VEGFC: variants seen among roughly 807,000 people sequenced by gnomAD.
VEGFC encodes the protein FLT4 ligand DHM.
A neutral mutation model predicts 46.1 loss-of-function variants in VEGFC; 12 were observed. The observed-to-expected ratio is 0.26, with a 90% CI of 0.17 to 0.42. The LOEUF (loss-of-function observed/expected upper bound fraction) is 0.42, where lower values mean the gene tolerates loss of function less well. Among genes scored for constraint, VEGFC ranks in the 10% least tolerant of loss-of-function variants. The pLI, the probability that VEGFC is intolerant of heterozygous loss-of-function variation, is 1.00. For synonymous variants in VEGFC, 232 were observed against 195.5 expected (o/e 1.19, Z -1.56); for missense variants, 488 against 529.4 (o/e 0.92, Z 0.77).
chr4:176,740,138 A>G (rs530054180), intron 1 of VEGFC, among the ~76,000 whole-genome samples: 49 of 128,176 alleles, frequency 3.8e-4, no homozygotes, highest in African/African-American at 1.3e-3. Flanking sequence ...AGAATATATA[A>G]CTATATATAG....
At chr4:176,691,823 G>A (rs539852662) in intron 4 of VEGFC, among the ~76,000 whole-genome samples, 12 of 152,278 alleles carry the variant, frequency 7.9e-5, no homozygotes, top group Admixed American at 2.0e-4. Context: ...GAACAGCTCC[G>A]GTCTACAGCT....
At chr4:176,692,118 G>T (rs557572526) in intron 4 of VEGFC, among the ~76,000 whole-genome samples, 1 of 152,010 alleles carries the variant, frequency 6.6e-6, no homozygotes, top group African/African-American at 2.4e-5. Flanking sequence ...GCACCGGCCC[G>T]GCGCGGTGGC....
At chr4:176,725,679 A>G (rs1734861986) in intron 3 of VEGFC, among the ~76,000 whole-genome samples, 1 of 152,124 alleles carries the variant, frequency 6.6e-6, no homozygotes. Context: ...TAACTGAATT[A>G]TTTTAAAATA....
chr4:176,744,490 T>C (rs1012070751), intron 1 of VEGFC, among the ~76,000 whole-genome samples: 3 of 151,964 alleles, frequency 2.0e-5, no homozygotes, highest in African/African-American at 7.2e-5. Context: ...TGGGAGGCAA[T>C]GTAGTAGGCC....
At chr4:176,730,917 C>T (rs906673870) in intron 1 of VEGFC, among the ~76,000 whole-genome samples, 1 of 151,886 alleles carries the variant, frequency 6.6e-6, no homozygotes, top group Non-Finnish European at 1.5e-5. Flanking sequence ...TATAACAGAG[C>T]CTCCTAAAAA....
At chr4:176,686,967 G>C (rs963630328) in intron 6 of VEGFC, among the ~76,000 whole-genome samples, 4 of 152,084 alleles carry the variant, frequency 2.6e-5, no homozygotes, top group African/African-American at 7.2e-5. Context: ...TTCTGAGCTT[G>C]GATCTAATTT....
chr4:176,768,984 C>A (rs185773696), intron 1 of VEGFC, among the ~76,000 whole-genome samples: 1 of 151,946 alleles, frequency 6.6e-6, no homozygotes, highest in Non-Finnish European at 1.5e-5. Flanking sequence ...TCAACCCCAG[C>A]GTTTTGGTAT....
chr4:176,772,515 A>T (rs989355789), intron 1 of VEGFC, among the ~76,000 whole-genome samples: 2 of 152,222 alleles, frequency 1.3e-5, no homozygotes, highest in Non-Finnish European at 2.9e-5. Flanking sequence ...GAGAAAACAA[A>T]TCTAGAAAGT....
chr4:176,742,277 G>A (rs532653479), intron 1 of VEGFC, among the ~76,000 whole-genome samples: 3 of 152,082 alleles, frequency 2.0e-5, no homozygotes, highest in East Asian at 1.9e-4. Flanking sequence ...ATCCTTTTAC[G>A]GACGCATAGT....
chr4:176,758,145 T>C (rs1735466194), intron 1 of VEGFC, among the ~76,000 whole-genome samples: 1 of 152,146 alleles, frequency 6.6e-6, no homozygotes, highest in Admixed American at 6.6e-5. Context: ...TTAGACATAG[T>C]CTTATTAGAG....
At chr4:176,763,970 A>G (rs1735574112) in intron 1 of VEGFC, among the ~76,000 whole-genome samples, 1 of 152,194 alleles carries the variant, frequency 6.6e-6, no homozygotes, top group Non-Finnish European at 1.5e-5. Context: ...TCCCTTAGTC[A>G]CTAAGCCATA....
chr4:176,727,812 C>T lies in VEGFC; in HGVS notation c.518G>A (p.Cys173Tyr). The change falls in exon 3 of 7, where the codon TGC (cysteine) becomes TAC (tyrosine). Residue 173 changes from cysteine (C) to tyrosine (Y), a missense_variant. Physicochemically the swap from Cys to Tyr is radical, Grantham distance 194 (BLOSUM62 -2). Coordinates refer to ENST00000618562, the MANE Select transcript of VEGFC (RefSeq NM_005429.5). ...GAGGTAGCTCGTGCTGGTGTTCATG[C>T]ACTGCAGCCCCTCACTATTGCAGCA... is the stretch of plus-strand genomic sequence containing the variant. ...GGCCNSEGLQ[C>Y]MNTSTSYLSK... is the part of the protein sequence containing the mutation. 1.2e-6 allele frequency: 2 copies of T among 1,613,642 alleles called. No homozygotes were observed. Among genetic ancestry groups the T allele is most frequent in the Non-Finnish European group, 8.5e-7 (1 of 1,179,712 alleles).
At chr4:176,693,952 C>T (rs1480424999) in intron 4 of VEGFC, among the ~76,000 whole-genome samples, 1 of 151,510 alleles carries the variant, frequency 6.6e-6, no homozygotes, top group Admixed American at 6.6e-5. Context: ...CACCACCAGG[C>T]CTGCCCTAAA....
At chr4:176,768,640 T>G (rs546632001) in intron 1 of VEGFC, among the ~76,000 whole-genome samples, 1 of 151,722 alleles carries the variant, frequency 6.6e-6, no homozygotes, top group South Asian at 2.1e-4. Flanking sequence ...AGAACACCTT[T>G]GGTATGCAAA....
chr4:176,738,333 G>T (rs1735090322), intron 1 of VEGFC, among the ~76,000 whole-genome samples: 1 of 151,996 alleles, frequency 6.6e-6, no homozygotes, highest in South Asian at 2.1e-4. Flanking sequence ...AAAACAGCAG[G>T]ATACTGGTAC....
intron 4 of VEGFC, among the ~76,000 whole-genome samples, chr4:176,702,046 T>C (rs1416403882): frequency 2.6e-5 from 4 of 152,132 alleles, no homozygotes; most frequent in Non-Finnish European, 4.4e-5. Flanking sequence ...TTTAAGCATC[T>C]AGGCATTTGG....
chr4:176,780,404 T>C lies in VEGFC; in HGVS notation c.147+11761A>G, dbSNP rs1735896223. 5.3e-5 allele frequency among the ~76,000 whole-genome samples: 2 copies of C among 37,638 alleles called. 1 individual carries two copies. The highest frequency in any genetic ancestry group is 1.2e-4 in the African/African-American group (2 of 16,322). 24.7% of individuals were successfully genotyped at this position (37,638 alleles called of 152,430 possible). ...CTCAAAAAAAAAAAAAAAAAACTCC[T>C]TCTAACCCATTCACTAAGCACTAAG... is the stretch of plus-strand genomic sequence containing the variant. On this transcript the variant is annotated intron_variant, in intron 1 of 6. Coordinates refer to ENST00000618562, the MANE Select transcript of VEGFC (RefSeq NM_005429.5).
intron 3 of VEGFC, among the ~76,000 whole-genome samples, chr4:176,716,178 G>C (rs1046567135): frequency 6.6e-6 from 1 of 151,874 alleles, no homozygotes; most frequent in Non-Finnish European, 1.5e-5. Context: ...TCCTTGTTTA[G>C]TTTTCAGTAA....
intron 1 of VEGFC, among the ~76,000 whole-genome samples, chr4:176,767,259 G>C (rs572671571): frequency 1.3e-5 from 2 of 151,978 alleles, no homozygotes; most frequent in South Asian, 4.2e-4. Flanking sequence ...CCATGAAAAG[G>C]CAAAATAAAA....
Sources: allele counts gnomAD v4.1 joint callset (sites outside exome capture counted in the v4.1 genomes callset), GRCh38; gene constraint gnomAD v4.1.1; transcripts MANE v1.5; gene names NCBI Gene and HGNC (gene_info 2026-07-23, HGNC 2026-07-21).